SIMC1: variants seen among roughly 807,000 people sequenced by gnomAD.
SIMC1 encodes the protein SUMO-interacting motif-containing protein 1.
SIMC1 carries 55 observed loss-of-function variants against 82.3 expected under a neutral mutation model. The ratio of observed to expected loss-of-function variants is 0.67; its 90% CI spans 0.54 to 0.84. The LOEUF is 0.84. SIMC1 is among the 40% of genes least tolerant of loss of function. The probability of loss-of-function intolerance (pLI) is 0.00; values close to 1 mark genes in which losing one functional copy is unlikely to be tolerated. For missense variants in SIMC1, 915 were observed against 1,107.2 expected (o/e 0.83, Z 2.46); for synonymous variants, 353 against 426.3 (o/e 0.83, Z 2.12).
chr5:176,306,964 A>G (rs1203370680), intron 4 of SIMC1, among the ~76,000 whole-genome samples: 2 of 152,152 alleles, frequency 1.3e-5, no homozygotes, highest in Non-Finnish European at 1.5e-5. Context: ...TCAACAACAA[A>G]TGAATAACCC....
At chr5:176,305,673 C>G in intron 4 of SIMC1, among the ~76,000 whole-genome samples, 1 of 119,140 alleles carries the variant, frequency 8.4e-6, no homozygotes, top group Non-Finnish European at 1.8e-5. Flanking sequence ...AGGAGCCCCT[C>G]TGCCCGGCCA....
chr5:176,307,382 T>C (rs2113327313), intron 4 of SIMC1, among the ~76,000 whole-genome samples: 1 of 152,318 alleles, frequency 6.6e-6, no homozygotes, highest in South Asian at 2.1e-4. Flanking sequence ...TTTAGTAAAT[T>C]TAATGATAAT....
At chr5:176,335,967 C>T (rs1765872243) in intron 7 of SIMC1, among the ~76,000 whole-genome samples, 1 of 151,594 alleles carries the variant, frequency 6.6e-6, no homozygotes, top group African/African-American at 2.4e-5. Context: ...CACTTTGAGC[C>T]CAAGAGATTG....
intron 6 of SIMC1, 26 bp from the exon 7 acceptor site, chr5:176,324,603 A>C: frequency 6.2e-7 from 1 of 1,607,308 alleles, no homozygotes; most frequent in East Asian, 2.2e-5. Context: ...CCTCACACTC[A>C]TCTGTGTCCT....
Position 176,272,013 on chromosome 5 carries a change from TATATA to T in SIMC1, c.130-17635_130-17631del, listed in dbSNP as rs1188286109. On this transcript the variant is annotated intron_variant, in intron 1 of 9. Transcript: ENST00000429602. Reference sequence around the variant, plus strand: ...AATATATATAACATATGTAATATAATATATAATATATCTACTATGCAGTTATAAAA... The same window carrying T: ...AATATATATAACATATGTAATATAATATATATCTACTATGCAGTTATAAAA... Among the ~76,000 whole-genome samples the T allele has an allele frequency of 5.2e-4, 75 of 145,232 alleles. 2 individuals are homozygous for T. Among genetic ancestry groups the T allele is most frequent in the South Asian group, 8.5e-4 (4 of 4,732 alleles).
intron 6 of SIMC1, among the ~76,000 whole-genome samples, chr5:176,323,641 G>T (rs368557994): frequency 1.3e-5 from 2 of 152,218 alleles, no homozygotes; most frequent in Admixed American, 6.5e-5. Context: ...TGGCCCACCT[G>T]TTGTGTTACT....
chr5:176,301,115 G>C (rs1316726130), intron 4 of SIMC1, among the ~76,000 whole-genome samples: 2 of 152,158 alleles, frequency 1.3e-5, no homozygotes, highest in African/African-American at 4.8e-5. Context: ...CTGTGATATG[G>C]TTTGGCCGTG....
At chr5:176,263,619 T>C in intron 1 of SIMC1, 1 of 1,289,544 alleles carries the variant, frequency 7.8e-7, no homozygotes, top group Non-Finnish European at 1.0e-6. Flanking sequence ...TTATGAGGGA[T>C]CTGTCCCCAT....
chr5:176,259,644 G>A (rs1761950851), intron 1 of SIMC1, among the ~76,000 whole-genome samples: 2 of 151,778 alleles, frequency 1.3e-5, no homozygotes, highest in Admixed American at 6.6e-5. Flanking sequence ...GTGGTGGCAC[G>A]CGCCTGTAGT....
intron 7 of SIMC1, among the ~76,000 whole-genome samples, chr5:176,329,959 ATATAT>A (rs1326172617): frequency 3.3e-5 from 5 of 152,212 alleles, no homozygotes; most frequent in African/African-American, 4.8e-5. Context: ...GCTTGTTTAC[ATATAT>A]TATATATACA....
In SIMC1 at chr5:176,301,742, G is replaced by A. The variant is rs944633754; in HGVS notation, c.1734+5422G>A. 1.1e-4 allele frequency among the ~76,000 whole-genome samples: 16 copies of A among 150,338 alleles called. No individual in the cohort carries two copies. The South Asian group carries it at 3.1e-3, about 30-fold the overall frequency. The stretch of plus-strand genomic sequence containing the variant: ...TGCAGTGAGGCAAGATGGTGCCACT[G>A]CACTCCAACCTGGGCGATAGAGCGA... On this transcript the variant is annotated intron_variant, in intron 4 of 9. Coordinates refer to ENST00000429602, the MANE Select transcript of SIMC1 (RefSeq NM_001308195.2).
chr5:176,272,086 T>G (rs1762462121), intron 1 of SIMC1, among the ~76,000 whole-genome samples: 1 of 141,176 alleles, frequency 7.1e-6, no homozygotes, highest in Admixed American at 7.5e-5. Flanking sequence ...CTCACGCTGG[T>G]CATCCCACCA....
At chr5:176,318,565 T>A (rs138200939) in intron 5 of SIMC1, among the ~76,000 whole-genome samples, 31 of 152,312 alleles carry the variant, frequency 2.0e-4, no homozygotes, top group Non-Finnish European at 3.4e-4. Flanking sequence ...GGATGACTTG[T>A]TTGTTTGTCC....
intron 1 of SIMC1, among the ~76,000 whole-genome samples, chr5:176,260,037 A>G (rs1438540618): frequency 6.7e-6 from 1 of 149,834 alleles, no homozygotes; most frequent in Non-Finnish European, 1.5e-5. Context: ...TATATTTTAA[A>G]ATTAAAAAAT....
At chr5:176,279,073 C>G (rs1437595905) in intron 1 of SIMC1, among the ~76,000 whole-genome samples, 2 of 152,322 alleles carry the variant, frequency 1.3e-5, no homozygotes, top group Non-Finnish European at 2.9e-5. Flanking sequence ...GTGAATCCAT[C>G]TGGTCCTGGA....
chr5:176,310,685 C>G (rs545017192), intron 4 of SIMC1, among the ~76,000 whole-genome samples: 1 of 152,228 alleles, frequency 6.6e-6, no homozygotes, highest in East Asian at 1.9e-4. Context: ...AGGGATGACG[C>G]AAGGAGTTCC....
rs1763511874 is a variant in SIMC1 at position 176,290,579 on chromosome 5, C to T, written c.1055C>T (p.Ser352Leu). ...VLHSPGDMPH[S>L]SGDVTHSPRD... The stretch of plus-strand genomic sequence containing the variant: ...CATTCACCTGGAGACATGCCACACT[C>T]ATCAGGGGACGTGACACACTCACCT... The change falls in exon 2 of 10, where the codon TCA (serine) becomes TTA (leucine). Residue 352 changes from serine (S) to leucine (L), a missense_variant. Transcript: ENST00000429602. 4 of 1,614,002 alleles carry T rather than the reference C, an allele frequency of 2.5e-6. No individual in the cohort carries two copies. Among genetic ancestry groups the T allele is most frequent in the Non-Finnish European group, 3.4e-6 (4 of 1,179,882 alleles).
intron 1 of SIMC1, among the ~76,000 whole-genome samples, chr5:176,272,999 C>A (rs1762513775): frequency 6.6e-6 from 1 of 152,192 alleles, no homozygotes; most frequent in African/African-American, 2.4e-5. Context: ...GACTCCACTT[C>A]TAGGGGCAGG....
At chr5:176,314,904 T>G (rs1187118025) in intron 5 of SIMC1, among the ~76,000 whole-genome samples, 1 of 152,248 alleles carries the variant, frequency 6.6e-6, no homozygotes, top group Non-Finnish European at 1.5e-5. Flanking sequence ...TTCAACACTT[T>G]ATTATAAAAT....
Sources: allele counts gnomAD v4.1 joint callset (sites outside exome capture counted in the v4.1 genomes callset), GRCh38; gene constraint gnomAD v4.1.1; transcripts MANE v1.5; gene names NCBI Gene and HGNC (gene_info 2026-07-23, HGNC 2026-07-21).